Variants in TTLL7 observed in about 807,000 individuals in gnomAD.
TTLL7 encodes tubulin tyrosine ligase like 7.
TTLL7 carries 53 observed loss-of-function variants against 120.2 expected under a neutral mutation model. The ratio of observed to expected loss-of-function variants is 0.44; its 90% confidence interval spans 0.35 to 0.55. The LOEUF (loss-of-function observed/expected upper bound fraction) is 0.55. Ranked by LOEUF, TTLL7 falls within the 20% of genes least tolerant of loss-of-function variation. TTLL7 has a pLI of 0.00. For missense variants in TTLL7, 803 were observed against 1,054.7 expected (o/e 0.76, Z 3.31); for synonymous variants, 353 against 351.7 (o/e 1.00, Z -0.04).
chr1:83,897,812 T>C (rs1254856674), intron 18 of TTLL7, among the ~76,000 whole-genome samples: 1 of 150,986 alleles, frequency 6.6e-6, no homozygotes, highest in African/African-American at 2.4e-5. Context: ...CCTAAGGCTC[T>C]TCCTGCCTAC....
chr1:83,871,211 G>A (rs920804924), intron 20 of TTLL7, among the ~76,000 whole-genome samples: 3 of 151,848 alleles, frequency 2.0e-5, no homozygotes, highest in South Asian at 2.1e-4. Context: ...TAATAGAGAC[G>A]GGTTTCACCG....
intron 20 of TTLL7, among the ~76,000 whole-genome samples, chr1:83,879,485 A>G (rs1654251663): frequency 6.6e-6 from 1 of 152,012 alleles, no homozygotes; most frequent in South Asian, 2.1e-4. Context: ...TCACCTGCCA[A>G]TGCTAAAAGA....
chr1:83,919,783 C>T lies in TTLL7; in HGVS notation c.1416G>A (p.Leu472=), dbSNP rs956485781. Reference sequence around the variant, plus strand: ...GGAAGGTCTGAAAGGCAACAGCTAACAAATTTTCATACTTTTCAAGTAATG... The same window carrying T: ...GGAAGGTCTGAAAGGCAACAGCTAATAAATTTTCATACTTTTCAAGTAATG... ...DKALLEKYEN[L]LAVAFQTFLS... Residue 472 remains leucine, a synonymous_variant, in exon 13 of 21, where the codon TTG becomes TTA. Coordinates refer to ENST00000260505, the MANE Select transcript of TTLL7 (RefSeq NM_024686.6). 3.7e-6 allele frequency: 6 copies of T among 1,612,912 alleles called. No individual in the cohort carries two copies. Among genetic ancestry groups the T allele is most frequent in the Non-Finnish European group, 5.1e-6 (6 of 1,179,352 alleles).
At chr1:83,901,245 C>T (rs1656695175) in intron 18 of TTLL7, among the ~76,000 whole-genome samples, 1 of 151,842 alleles carries the variant, frequency 6.6e-6, no homozygotes, top group South Asian at 2.1e-4. Flanking sequence ...TGATCTTTTC[C>T]TAAGATTATA....
intron 20 of TTLL7, among the ~76,000 whole-genome samples, chr1:83,882,452 T>G (rs1223490694): frequency 2.6e-5 from 4 of 151,922 alleles, no homozygotes; most frequent in African/African-American, 9.7e-5. Context: ...TTGCTTTTCA[T>G]GCTTTTTGGA....
chr1:83,921,913 T>C (rs1328547547), intron 10 of TTLL7, among the ~76,000 whole-genome samples: 1 of 152,172 alleles, frequency 6.6e-6, no homozygotes, highest in East Asian at 1.9e-4. Context: ...ACAATCATCA[T>C]TTATTTGAAA....
intron 1 of TTLL7, among the ~76,000 whole-genome samples, chr1:83,956,120 A>G (rs1181123080): frequency 2.0e-5 from 3 of 152,058 alleles, no homozygotes; most frequent in Non-Finnish European, 4.4e-5. Flanking sequence ...TTATTTATGT[A>G]TTTTGTTTTA....
At chr1:83,931,007 T>C (rs969897112) in intron 9 of TTLL7, among the ~76,000 whole-genome samples, 8 of 151,328 alleles carry the variant, frequency 5.3e-5, no homozygotes, top group African/African-American at 1.7e-4. Context: ...TTCTTGTTTT[T>C]TTTTTTTTAA....
At chr1:83,938,476 G>C (rs1647624003) in intron 7 of TTLL7, among the ~76,000 whole-genome samples, 1 of 152,128 alleles carries the variant, frequency 6.6e-6, no homozygotes, top group Admixed American at 6.5e-5. Context: ...ACTCACGTAA[G>C]TAACATAAGC....
chr1:83,920,276 G>A (rs778121291), intron 12 of TTLL7, among the ~76,000 whole-genome samples: 46 of 152,100 alleles, frequency 3.0e-4, no homozygotes, highest in Non-Finnish European at 5.0e-4. Context: ...GAAGAATGGT[G>A]ATTGGGCAAA....
chr1:83,871,221 G>A (rs865885678), intron 20 of TTLL7, among the ~76,000 whole-genome samples: 1 of 151,956 alleles, frequency 6.6e-6, no homozygotes, highest in Admixed American at 6.6e-5. Context: ...GGGTTTCACC[G>A]TGTTAGCCAG....
rs764581166 is a variant in TTLL7, at chr1:83,919,761, A to C, written c.1438T>G (p.Phe480Val). 1 of 1,613,004 alleles carries C rather than the reference A, an allele frequency of 6.2e-7. No homozygotes were observed. The highest frequency in any genetic ancestry group is 8.5e-7 in the Non-Finnish European group (1 of 1,179,452). ...AATGAAGCTGCTCTTCCTGAAAGGA[A>C]GGTCTGAAAGGCAACAGCTAACAAA... ...ENLLAVAFQT[F>V]LSGRAASFQR... is the part of the protein sequence containing the mutation. The change falls in exon 13 of 21, where the codon TTC becomes GTC. Residue 480 changes from phenylalanine to valine, a missense_variant. Physicochemically the swap from Phe to Val is conservative, Grantham distance 50. Transcript: ENST00000260505.
intron 1 of TTLL7, among the ~76,000 whole-genome samples, chr1:83,974,759 T>C (rs944365471): frequency 6.6e-6 from 1 of 152,080 alleles, no homozygotes; most frequent in Non-Finnish European, 1.5e-5. Context: ...CTTTGTCAAA[T>C]TGACCTATTT....
chr1:83,919,665 T>C lies in TTLL7; in HGVS notation c.1500+34A>G, dbSNP rs781340660. ...GTAAAGACATATTGTTTAGCTTTAT[T>C]CTTTTTTCTCTATATAAACATTCAT... On this transcript the variant is annotated intron_variant, in intron 13 of 20. Coordinates refer to ENST00000260505, the MANE Select transcript of TTLL7 (RefSeq NM_024686.6). The C allele has an allele frequency of 3.2e-6, 5 of 1,569,996 alleles. No homozygotes were observed. The African/African-American group carries it at 5.5e-5, about 17-fold the overall frequency.
In TTLL7 at chr1:83,911,340, A is replaced by G. The variant is rs1557618109; in HGVS notation, c.1611T>C (p.Ser537=). ...ACTTTGGTCTTTTCATTATCTCAGT[A>G]CTCTCAGGCATAGAACACAGAGGCT... ...GPKPLCSMPE[S]TEIMKRPKYC... Residue 537 remains serine (S), a synonymous_variant, in exon 15 of 21, where the codon AGT becomes AGC. Transcript: ENST00000260505. 4 of 1,613,154 alleles carry G rather than the reference A, an allele frequency of 2.5e-6. No individual in the cohort carries two copies. In the South Asian group the frequency reaches 3.3e-5, roughly 13 times the overall value.
chr1:83,968,175 A>G (rs967020249), intron 1 of TTLL7, among the ~76,000 whole-genome samples: 2 of 152,060 alleles, frequency 1.3e-5, no homozygotes, highest in African/African-American at 2.4e-5. Context: ...TAACAAACTC[A>G]GTGGCAAATA....
At chr1:83,956,389 T>C (rs1480213177) in intron 1 of TTLL7, among the ~76,000 whole-genome samples, 1 of 151,426 alleles carries the variant, frequency 6.6e-6, no homozygotes, top group African/African-American at 2.4e-5. Flanking sequence ...CCTTCCAAAG[T>C]GCTGAGATTA....
chr1:83,932,838 G>A (rs1659717456), intron 9 of TTLL7, among the ~76,000 whole-genome samples: 1 of 152,150 alleles, frequency 6.6e-6, no homozygotes, highest in Admixed American at 6.6e-5. Context: ...ACGAGAAGGT[G>A]TGTAAACCCA....
At chr1:83,985,661 G>A (rs1027118743) in intron 1 of TTLL7, among the ~76,000 whole-genome samples, 37 of 151,860 alleles carry the variant, frequency 2.4e-4, no homozygotes, top group African/African-American at 8.7e-4. Context: ...ACCAACCTGG[G>A]CAACATAGCA....
Sources: allele counts gnomAD v4.1 joint callset (sites outside exome capture counted in the v4.1 genomes callset), GRCh38; gene constraint gnomAD v4.1.1; transcripts MANE v1.5; gene names NCBI Gene and HGNC (gene_info 2026-07-23, HGNC 2026-07-21).